Variants in CCSER1 observed in about 807,000 individuals in gnomAD.
CCSER1 encodes serine-rich coiled-coil domain-containing protein 1.
Under a neutral mutation model 82.0 loss-of-function variants are expected in CCSER1, and 41 were observed. The observed-to-expected ratio is 0.50, with a 90% CI of 0.39 to 0.65. CCSER1 has a LOEUF of 0.65. CCSER1 is among the 30% of genes least tolerant of loss of function. The probability of loss-of-function intolerance (pLI) is 0.00; values close to 1 mark genes in which losing one functional copy is unlikely to be tolerated. For missense variants in CCSER1, 1,119 were observed against 1,064.2 expected, an observed-to-expected ratio of 1.05 and a Z score of -0.72; for synonymous variants, 414 against 383.9, an observed-to-expected ratio of 1.08 and a Z score of -0.92.
chr4:91,124,494 C>A (rs930135034), intron 10 of CCSER1, among the ~76,000 whole-genome samples: 1 of 151,744 alleles, frequency 6.6e-6, no homozygotes, highest in Non-Finnish European at 1.5e-5. Context: ...GAAGACAGGA[C>A]TTGATTCAAG....
At chr4:91,551,223 G>A (rs1223537835) in intron 10 of CCSER1, among the ~76,000 whole-genome samples, 2 of 151,856 alleles carry the variant, frequency 1.3e-5, no homozygotes, top group Non-Finnish European at 2.9e-5. Flanking sequence ...TTTTTGAAAG[G>A]CAATACTTAT....
chr4:90,243,441 G>A (rs1032444863), intron 1 of CCSER1, among the ~76,000 whole-genome samples: 1 of 151,912 alleles, frequency 6.6e-6, no homozygotes, highest in Non-Finnish European at 1.5e-5. Context: ...TAGAGATGGG[G>A]TTTCACCATG....
intron 7 of CCSER1, among the ~76,000 whole-genome samples, chr4:90,805,031 G>C (rs1025369225): frequency 4.6e-5 from 7 of 152,004 alleles, no homozygotes; most frequent in African/African-American, 7.3e-5. Context: ...AAAATTTACT[G>C]TATGCATTTT....
intron 8 of CCSER1, among the ~76,000 whole-genome samples, chr4:90,887,938 CAGAG>C (rs1338522948): frequency 6.6e-6 from 1 of 151,716 alleles, no homozygotes; most frequent in South Asian, 2.1e-4. Context: ...TCAACAATGA[CAGAG>C]AGATCAACAC....
intron 10 of CCSER1, among the ~76,000 whole-genome samples, chr4:91,468,868 A>C (rs1757104003): frequency 6.6e-6 from 1 of 152,136 alleles, no homozygotes; most frequent in African/African-American, 2.4e-5. Flanking sequence ...CCATTGACTC[A>C]TGTCTCATTG....
At chr4:90,292,834 T>C (rs1447633911) in intron 1 of CCSER1, among the ~76,000 whole-genome samples, 1 of 151,952 alleles carries the variant, frequency 6.6e-6, no homozygotes, top group Non-Finnish European at 1.5e-5. Flanking sequence ...CTGATTTTTA[T>C]TGTCAGGTAT....
chr4:91,055,565 T>A (rs1743370132), intron 9 of CCSER1, among the ~76,000 whole-genome samples: 1 of 152,182 alleles, frequency 6.6e-6, no homozygotes, highest in Non-Finnish European at 1.5e-5. Flanking sequence ...TGTTTATGCT[T>A]GCCAAATTCC....
intron 10 of CCSER1, among the ~76,000 whole-genome samples, chr4:91,329,874 TTC>T (rs1205471346): frequency 2.0e-5 from 3 of 152,192 alleles, no homozygotes; most frequent in Admixed American, 6.6e-5. Flanking sequence ...TATATTTGGC[TTC>T]TCTCTTTTGT....
intron 8 of CCSER1, among the ~76,000 whole-genome samples, chr4:90,885,606 A>T (rs1467882332): frequency 6.6e-6 from 1 of 152,148 alleles, no homozygotes; most frequent in Non-Finnish European, 1.5e-5. Context: ...TTTAGCCATA[A>T]GGTCATTATT....
intron 3 of CCSER1, among the ~76,000 whole-genome samples, chr4:90,381,319 A>T (rs1448632426): frequency 6.6e-6 from 1 of 152,224 alleles, no homozygotes; most frequent in Admixed American, 6.5e-5. Context: ...TTTCATATTT[A>T]TGCAAGACTT....
rs190070068 is a variant in CCSER1, at chr4:90,726,308, C to T, written c.2010+2317C>T. Among the ~76,000 whole-genome samples, 9 of 151,914 alleles carry T rather than the reference C, an allele frequency of 5.9e-5. No homozygotes were observed. In the East Asian group the frequency reaches 9.7e-4, roughly 16 times the overall value. The stretch of plus-strand genomic sequence containing the variant: ...TCAACCACATCATTTGAAATAAAGA[C>T]AAATGGTAAATTATTTTTATAAAAA... On this transcript the variant is annotated intron_variant, in intron 7 of 10. Transcript: ENST00000509176.
chr4:91,346,898 T>C (rs1748100577), intron 10 of CCSER1, among the ~76,000 whole-genome samples: 1 of 152,222 alleles, frequency 6.6e-6, no homozygotes, highest in Admixed American at 6.5e-5. Flanking sequence ...ATCAGATATG[T>C]GCTTTGAAAA....
chr4:90,863,821 G>T (rs1260390201), intron 8 of CCSER1, among the ~76,000 whole-genome samples: 4 of 151,688 alleles, frequency 2.6e-5, no homozygotes, highest in African/African-American at 4.8e-5. Flanking sequence ...CTAAGTGGCA[G>T]CATGGTAGTT....
chr4:91,331,549 C>T (rs546003388), intron 10 of CCSER1, among the ~76,000 whole-genome samples: 1 of 152,234 alleles, frequency 6.6e-6, no homozygotes, highest in Admixed American at 6.5e-5. Flanking sequence ...CTTTACCTTT[C>T]TAGTTAATTC....
intron 10 of CCSER1, among the ~76,000 whole-genome samples, chr4:91,289,140 G>C (rs1403675664): frequency 6.6e-6 from 1 of 151,966 alleles, no homozygotes; most frequent in Non-Finnish European, 1.5e-5. Context: ...GAAAATTTAA[G>C]CTTGGGGGTA....
chr4:90,471,299 G>T (rs1369921632), intron 5 of CCSER1, among the ~76,000 whole-genome samples: 1 of 151,732 alleles, frequency 6.6e-6, no homozygotes, highest in Non-Finnish European at 1.5e-5. Flanking sequence ...CCTGGGCACT[G>T]TGGCTTGCAC....
At chr4:91,501,978 TGTTA>T (rs775727170) in intron 10 of CCSER1, among the ~76,000 whole-genome samples, 5 of 152,250 alleles carry the variant, frequency 3.3e-5, no homozygotes, top group Non-Finnish European at 5.9e-5. Flanking sequence ...TGTCCATTTG[TGTTA>T]GTTAATTGGC....
intron 10 of CCSER1, among the ~76,000 whole-genome samples, chr4:91,517,724 C>T (rs1477624063): frequency 6.7e-6 from 1 of 150,374 alleles, no homozygotes; most frequent in East Asian, 2.0e-4. Flanking sequence ...AGTTCTTACG[C>T]TGGTTCTTTC....
chr4:91,526,754 C>G (rs997689358), intron 10 of CCSER1, among the ~76,000 whole-genome samples: 2 of 152,048 alleles, frequency 1.3e-5, no homozygotes, highest in African/African-American at 4.8e-5. Context: ...GCCACCACGC[C>G]CAGCTAATTT....
Sources: allele counts gnomAD v4.1 joint callset (sites outside exome capture counted in the v4.1 genomes callset), GRCh38; gene constraint gnomAD v4.1.1; transcripts MANE v1.5; gene names NCBI Gene and HGNC (gene_info 2026-07-23, HGNC 2026-07-21).